Variants in THAP9 observed in about 807,000 individuals in gnomAD.
The protein encoded by THAP9 is THAP domain containing 9.
Under a neutral mutation model 35.7 loss-of-function variants are expected in THAP9, and 20 were observed. The ratio of observed to expected loss-of-function variants is 0.56; its 90% confidence interval spans 0.39 to 0.81. The LOEUF is 0.81. Ranked by LOEUF, THAP9 falls within the 40% of genes least tolerant of loss-of-function variation. THAP9 has a pLI of 0.00. For synonymous variants in THAP9, 335 were observed against 373.7 expected, an observed-to-expected ratio of 0.90 and a Z score of 1.19; for missense variants, 870 against 1,047.4, an observed-to-expected ratio of 0.83 and a Z score of 2.34.
At chr4:82,915,576 C>T (rs896809417) in intron 4 of THAP9, among the ~76,000 whole-genome samples, 6 of 151,888 alleles carry the variant, frequency 4.0e-5, no homozygotes, top group Non-Finnish European at 7.4e-5. Context: ...GTTTTTTAAA[C>T]CTATTAATGC....
rs1324877734 is a variant in THAP9 at position 82,917,536 on chromosome 4, C to T, written c.1324C>T (p.Gln442Ter). 2.2e-5 allele frequency: 36 copies of T among 1,613,426 alleles called. No individual in the cohort carries two copies. The highest frequency in any genetic ancestry group is 3.1e-5 in the Non-Finnish European group (36 of 1,179,538). Residue 442 changes from glutamine to a stop codon, truncating the protein, a stop_gained, in exon 5 of 5, where the codon CAG (glutamine) becomes TAG (stop). Transcript: ENST00000302236. LOFTEE classifies it low-confidence loss of function (END_TRUNC). ...GTTTATTAATGGTATAGCACATTGG[C>T]AGCACCTCGTGGAGTTAGTAGCACT... Reference protein sequence around the residue: ...IQFINGIAHWQHLVELVALEE... With the variant: ...IQFINGIAHW
At chr4:82,905,201 A>G (rs1318741328) in intron 2 of THAP9, among the ~76,000 whole-genome samples, 1 of 152,218 alleles carries the variant, frequency 6.6e-6, no homozygotes, top group Non-Finnish European at 1.5e-5. Flanking sequence ...GTAGATATAA[A>G]TAGCCTTAGA....
intron 4 of THAP9, chr4:82,910,700 C>T (rs1025763244): frequency 9.9e-6 from 6 of 608,742 alleles, no homozygotes; most frequent in Admixed American, 2.3e-5. Context: ...TGATCAGGAG[C>T]GGCCAGTGAG....
chr4:82,912,787 T>C (rs905135483), intron 4 of THAP9, among the ~76,000 whole-genome samples: 2 of 152,224 alleles, frequency 1.3e-5, no homozygotes, highest in African/African-American at 4.8e-5. Context: ...ATACACATTG[T>C]GGTACTGTTA....
intron 4 of THAP9, among the ~76,000 whole-genome samples, chr4:82,909,434 G>T (rs1365470897): frequency 6.6e-6 from 1 of 151,938 alleles, no homozygotes; most frequent in Non-Finnish European, 1.5e-5. Context: ...GTGTGTGTGT[G>T]TGTGTGCACT....
chr4:82,914,596 A>T (rs1720978733), intron 4 of THAP9, among the ~76,000 whole-genome samples: 1 of 152,012 alleles, frequency 6.6e-6, no homozygotes, highest in Admixed American at 6.5e-5. Context: ...GCTTTTTTTC[A>T]TATGCTTGTT....
At chr4:82,912,095 C>T (rs1720884912) in intron 4 of THAP9, among the ~76,000 whole-genome samples, 1 of 152,040 alleles carries the variant, frequency 6.6e-6, no homozygotes, top group African/African-American at 2.4e-5. Context: ...TTCAGTTCTC[C>T]CTGGATTCTT....
chr4:82,910,602 A>G (rs1023909373), intron 4 of THAP9: 2 of 362,170 alleles, frequency 5.5e-6, no homozygotes, highest in East Asian at 9.8e-5. Flanking sequence ...TTATTTTCCC[A>G]TATAAAAAGT....
Position 82,918,728 on chromosome 4 carries a change from T to A in THAP9, c.2516T>A (p.Ile839Lys). 1 of 1,613,940 alleles carries A rather than the reference T, an allele frequency of 6.2e-7. No homozygotes were observed. Among genetic ancestry groups the A allele is most frequent in the Non-Finnish European group, 8.5e-7 (1 of 1,179,890 alleles). ...INHFVKLLKDIIICFLNIRAK... is the reference protein window; with the variant it reads ...INHFVKLLKDKIICFLNIRAK... The stretch of plus-strand genomic sequence containing the variant: ...CACTTTGTCAAGTTGCTAAAGGATA[T>A]AATAATCTGTTTCTTAAATATCAGA... The change falls in exon 5 of 5, where the codon ATA (isoleucine) becomes AAA (lysine). Residue 839 changes from isoleucine to lysine, a missense_variant. Transcript: ENST00000302236.
chr4:82,904,895 G>GA lies in THAP9; in HGVS notation c.246dup (p.Gly83ArgfsTer18), dbSNP rs779303616. The GA allele has an allele frequency of 3.1e-6, 5 of 1,613,622 alleles. No individual in the cohort carries two copies. In the African/African-American group the frequency reaches 6.7e-5, roughly 22 times the overall value. The stretch of plus-strand genomic sequence containing the variant: ...AGTCATATGGCATAAGAAGAAAGCT[G>GA]AAAAAAGGAGCTGTGCCTTCTGTTT... On this transcript the variant is annotated frameshift_variant, in exon 2 of 5. Transcript: ENST00000302236. LOFTEE classifies it high-confidence loss of function.
In THAP9 at chr4:82,918,171, A is replaced by T; in HGVS notation, c.1959A>T (p.Leu653=). 6.2e-7 allele frequency: 1 copy of T among 1,614,194 alleles called. No homozygotes were observed. The highest frequency in any genetic ancestry group is 1.6e-4 in the Middle Eastern group (1 of 6,062). ...TRYKFQDEVF[L]SKVSIFDISI... The stretch of plus-strand genomic sequence containing the variant: ...ACAAATTTCAAGATGAAGTTTTTCT[A>T]AGCAAAGTAAGCATCTTTGACATTT... Residue 653 remains leucine, a synonymous_variant, in exon 5 of 5, where the codon CTA becomes CTT. Transcript: ENST00000302236.
chr4:82,915,482 C>T (rs576856667), intron 4 of THAP9, among the ~76,000 whole-genome samples: 18 of 152,238 alleles, frequency 1.2e-4, no homozygotes, highest in African/African-American at 4.3e-4. Flanking sequence ...GTCTCAAACT[C>T]CTGACCTCAG....
intron 4 of THAP9, among the ~76,000 whole-genome samples, chr4:82,911,811 T>C (rs967863534): frequency 6.6e-6 from 1 of 152,172 alleles, no homozygotes; most frequent in Non-Finnish European, 1.5e-5. Context: ...AAGGAGAAAA[T>C]GTGACCAGTC....
At position 82,900,746 on chromosome 4, in the gene THAP9, G is replaced by C. The variant is rs1432467510; in HGVS notation, c.-57G>C. 1 of 1,581,316 alleles carries C rather than the reference G, an allele frequency of 6.3e-7. No individual in the cohort carries two copies. The highest frequency in any genetic ancestry group is 8.7e-7 in the Non-Finnish European group (1 of 1,151,212). ...CAGAGTCAACGGGCGGAGCTAAAGT[G>C]GTCGTGATTCATGCTGTCGCGGGAA... On this transcript the variant is annotated 5_prime_UTR_variant, in exon 1 of 5. Transcript: ENST00000302236.
chr4:82,915,641 AT>A (rs1356931549), intron 4 of THAP9, among the ~76,000 whole-genome samples: 2 of 152,004 alleles, frequency 1.3e-5, no homozygotes, highest in South Asian at 2.1e-4. Context: ...ATATATTTAT[AT>A]TTATTTAAAC....
chr4:82,904,058 C>CTTTTTTTTTTTTTTTTTTTT (rs59655406), intron 1 of THAP9, among the ~76,000 whole-genome samples: 8 of 82,210 alleles, frequency 9.7e-5, no homozygotes, highest in Non-Finnish European at 1.7e-4. Context: ...TAGGCTCCCC[C>CTTTTTTTTTTTTTTTTTTTT]TTTTTTTTTT....
Position 82,917,051 on chromosome 4 carries a change from T to C in THAP9, c.839T>C (p.Leu280Ser). 1 of 1,612,472 alleles carries C rather than the reference T, an allele frequency of 6.2e-7. No individual in the cohort carries two copies. Among genetic ancestry groups the C allele is most frequent in the Non-Finnish European group, 8.5e-7 (1 of 1,179,338 alleles). ...CAGCTCTATCAATACTGTTCATTGT[T>C]AATAAAAAGTATGCCTCTCAAGCAA... ...GDQLYQYCSL[L>S]IKSMPLKQQL... Residue 280 changes from leucine (L) to serine (S), a missense_variant, in exon 5 of 5, where the codon TTA becomes TCA. This residue lies in a region of THAP9 where 440 missense variants were observed against 501.2 expected (regional missense o/e 0.88). Coordinates refer to ENST00000302236, the MANE Select transcript of THAP9 (RefSeq NM_024672.6).
At chr4:82,916,733 A>G (rs528196649) in intron 4 of THAP9, among the ~76,000 whole-genome samples, 21 of 152,364 alleles carry the variant, frequency 1.4e-4, no homozygotes, top group South Asian at 4.1e-4. Context: ...GGATGTTTGC[A>G]TCTTAAAATA....
intron 4 of THAP9, among the ~76,000 whole-genome samples, chr4:82,909,556 A>G (rs1329866804): frequency 2.0e-5 from 3 of 152,082 alleles, no homozygotes; most frequent in Admixed American, 6.6e-5. Context: ...TGAACTCTTT[A>G]TAGACAAGTT....
Sources: gnomAD v4.1 joint callset for allele counts (sites outside exome capture counted in the v4.1 genomes callset) on GRCh38, gnomAD v4.1.1 for gene constraint, gnomAD v4.1.1 regional missense constraint, MANE v1.5 for transcripts, NCBI Gene and HGNC (gene_info 2026-07-23, HGNC 2026-07-21) for gene names.